Variants in PPARGC1A observed in about 807,000 individuals in gnomAD.
PPARGC1A encodes peroxisome proliferator-activated receptor gamma coactivator 1-alpha.
A neutral mutation model predicts 88.7 loss-of-function variants in PPARGC1A; 25 were observed. The observed-to-expected ratio is 0.28, with a 90% CI of 0.21 to 0.39. The LOEUF (loss-of-function observed/expected upper bound fraction) is 0.39, where lower values mean the gene tolerates loss of function less well. PPARGC1A is among the 10% of genes least tolerant of loss of function. PPARGC1A has a pLI of 1.00. For missense variants in PPARGC1A, 880 were observed against 968.7 expected, an observed-to-expected ratio of 0.91 and a Z score of 1.22; for synonymous variants, 363 against 355.6, an observed-to-expected ratio of 1.02 and a Z score of -0.24.
chr4:23,934,443 C>T, the PPARGC1A span, among the ~76,000 whole-genome samples: 1 of 152,176 alleles, frequency 6.6e-6, no homozygotes, highest in African/African-American at 2.4e-5. Flanking sequence ...CAACCACCCC[C>T]TGCAGACTGG....
chr4:23,855,494 T>C (rs1269411869), intron 2 of PPARGC1A, among the ~76,000 whole-genome samples: 1 of 152,242 alleles, frequency 6.6e-6, no homozygotes, highest in Non-Finnish European at 1.5e-5. Flanking sequence ...GGACCTACTA[T>C]GCTCGATGCT....
chr4:23,843,726 T>C (rs935757015), intron 2 of PPARGC1A, among the ~76,000 whole-genome samples: 3 of 151,982 alleles, frequency 2.0e-5, no homozygotes, highest in Non-Finnish European at 2.9e-5. Flanking sequence ...ACAATTTGTA[T>C]AAAATTCATT....
chr4:24,340,795 G>A, the PPARGC1A span, among the ~76,000 whole-genome samples: 2 of 152,044 alleles, frequency 1.3e-5, no homozygotes, highest in Non-Finnish European at 2.9e-5. Context: ...TGTTTGAACC[G>A]TGCTCCAAGC....
chr4:24,068,460 C>A, the PPARGC1A span, among the ~76,000 whole-genome samples: 2 of 152,094 alleles, frequency 1.3e-5, no homozygotes, highest in Non-Finnish European at 2.9e-5. Flanking sequence ...ACAGTGAGGG[C>A]AGGATGCACA....
At chr4:24,413,240 A>ATTTTTTTTTT in the PPARGC1A span, among the ~76,000 whole-genome samples, 1 of 141,096 alleles carries the variant, frequency 7.1e-6, no homozygotes, top group Non-Finnish European at 1.5e-5. Context: ...GCCTGGCTTC[A>ATTTTTTTTTT]TTTTTTTTTT....
chr4:23,851,206 T>C (rs1729236602), intron 2 of PPARGC1A, among the ~76,000 whole-genome samples: 8 of 152,306 alleles, frequency 5.3e-5, no homozygotes, highest in Admixed American at 5.2e-4. Flanking sequence ...ACATAGTGAT[T>C]CGATTTAATC....
the PPARGC1A span, among the ~76,000 whole-genome samples, chr4:24,116,925 C>T: frequency 6.6e-6 from 1 of 151,986 alleles, no homozygotes; most frequent in Non-Finnish European, 1.5e-5. Flanking sequence ...AGTCCACTCT[C>T]ATAACTGTGC....
chr4:24,011,778 C>A, the PPARGC1A span, among the ~76,000 whole-genome samples: 2 of 152,100 alleles, frequency 1.3e-5, no homozygotes, highest in East Asian at 3.9e-4. Flanking sequence ...GCAACCTATA[C>A]CTTTTTTGAA....
At chr4:24,063,363 C>A in the PPARGC1A span, among the ~76,000 whole-genome samples, 3 of 152,146 alleles carry the variant, frequency 2.0e-5, no homozygotes, top group South Asian at 6.2e-4. Flanking sequence ...GTTCAGGGCA[C>A]ACTCTGTTTT....
the PPARGC1A span, among the ~76,000 whole-genome samples, chr4:23,973,901 T>G: frequency 6.6e-6 from 1 of 151,830 alleles, no homozygotes; most frequent in Non-Finnish European, 1.5e-5. Flanking sequence ...GGTCAGCATA[T>G]GGTGGGCTAC....
the PPARGC1A span, among the ~76,000 whole-genome samples, chr4:24,325,541 C>T: frequency 1.9e-3 from 284 of 152,284 alleles, 2 homozygotes; most frequent in Non-Finnish European, 5.1e-4. Context: ...AGGATTCCTC[C>T]TAAGCCTTGT....
chr4:23,950,473 A>T, the PPARGC1A span, among the ~76,000 whole-genome samples: 1 of 152,116 alleles, frequency 6.6e-6, no homozygotes, highest in Admixed American at 6.6e-5. Context: ...AAAGTAATAA[A>T]CCTGATCATG....
chr4:24,340,266 C>T, the PPARGC1A span, among the ~76,000 whole-genome samples: 2 of 152,124 alleles, frequency 1.3e-5, no homozygotes, highest in African/African-American at 4.8e-5. Flanking sequence ...TTCATCTCCA[C>T]TCGATTTTCT....
chr4:24,450,313 T>C, the PPARGC1A span, among the ~76,000 whole-genome samples: 2 of 152,224 alleles, frequency 1.3e-5, no homozygotes, highest in Non-Finnish European at 2.9e-5. Context: ...AAGCTTTGTC[T>C]TGTATTCACA....
chr4:24,068,049 C>T, the PPARGC1A span, among the ~76,000 whole-genome samples: 4 of 152,214 alleles, frequency 2.6e-5, no homozygotes, highest in African/African-American at 9.6e-5. Flanking sequence ...TCACTTGTCA[C>T]AGATAGGTCC....
the PPARGC1A span, among the ~76,000 whole-genome samples, chr4:24,418,838 G>C: frequency 6.6e-6 from 1 of 152,090 alleles, no homozygotes; most frequent in Non-Finnish European, 1.5e-5. Flanking sequence ...AATTTCACCA[G>C]ACACACCTCA....
chr4:24,448,905 T>C, the PPARGC1A span, among the ~76,000 whole-genome samples: 1 of 152,236 alleles, frequency 6.6e-6, no homozygotes, highest in African/African-American at 2.4e-5. Flanking sequence ...TTGGATCTGC[T>C]TCCTCATAGT....
chr4:24,447,114 T>C, the PPARGC1A span, among the ~76,000 whole-genome samples: 1 of 152,158 alleles, frequency 6.6e-6, no homozygotes, highest in Non-Finnish European at 1.5e-5. Context: ...CCAGGCCAGC[T>C]ACTGAGCCCC....
At chr4:23,912,124 G>A in the PPARGC1A span, among the ~76,000 whole-genome samples, 17 of 152,262 alleles carry the variant, frequency 1.1e-4, no homozygotes, top group African/African-American at 4.1e-4. Context: ...AGAATTCCCA[G>A]TGAAGAGGTG....
Sources: allele counts gnomAD v4.1 joint callset (sites outside exome capture counted in the v4.1 genomes callset), GRCh38; gene constraint gnomAD v4.1.1; transcripts MANE v1.5; gene names NCBI Gene and HGNC (gene_info 2026-07-23, HGNC 2026-07-21).